PRKG1: variants seen among roughly 807,000 people sequenced by gnomAD.
PRKG1 encodes the protein protein kinase cGMP-dependent 1.
PRKG1 carries 35 observed loss-of-function variants against 88.1 expected under a neutral mutation model. That is an observed-to-expected ratio of 0.40 (90% confidence interval 0.30 to 0.53). The LOEUF is 0.53. PRKG1 is among the 20% of genes least tolerant of loss of function. The pLI is 0.59. For synonymous variants in PRKG1, 303 were observed against 292.5 expected (o/e 1.04, Z -0.37); for missense variants, 540 against 839.8 (o/e 0.64, Z 4.41).
At chr10:51,099,032 T>G (rs898829916) in intron 1 of PRKG1, among the ~76,000 whole-genome samples, 7 of 152,222 alleles carry the variant, frequency 4.6e-5, no homozygotes, top group African/African-American at 1.7e-4. Context: ...TGCTGCACTC[T>G]GTGAAACACA....
chr10:51,658,490 C>G (rs994948153), intron 3 of PRKG1, among the ~76,000 whole-genome samples: 2 of 151,922 alleles, frequency 1.3e-5, no homozygotes, highest in Non-Finnish European at 2.9e-5. Flanking sequence ...GCCCAACAAA[C>G]ATGTCATGAA....
rs181539460 is a variant in PRKG1, at chr10:51,767,509, G to A, written c.593-37076G>A. 7.8e-4 allele frequency among the ~76,000 whole-genome samples: 119 copies of A among 152,300 alleles called. 1 individual carries two copies. The highest frequency in any genetic ancestry group is 2.8e-3 in the African/African-American group (115 of 41,564). ...CTAATGATTGCTTTCTCTACCTTAT[G>A]TACATATGCTGGGGGAAAAGGTTTC... On this transcript the variant is annotated intron_variant, in intron 3 of 17. Coordinates refer to ENST00000373980, the MANE Select transcript of PRKG1 (RefSeq NM_006258.4).
At chr10:52,069,347 A>G (rs940004602) in intron 7 of PRKG1, among the ~76,000 whole-genome samples, 1 of 152,166 alleles carries the variant, frequency 6.6e-6, no homozygotes, top group African/African-American at 2.4e-5. Flanking sequence ...CCTGGCCAAC[A>G]TGATGAAACA....
At chr10:51,227,631 C>T (rs1838727955) in intron 2 of PRKG1, among the ~76,000 whole-genome samples, 1 of 152,134 alleles carries the variant, frequency 6.6e-6, no homozygotes, top group Admixed American at 6.5e-5. Context: ...AGCTGGTTCT[C>T]ATAAAATGTT....
chr10:52,166,914 C>T lies in PRKG1; in HGVS notation c.1076+4951C>T, dbSNP rs200897163. Among the ~76,000 whole-genome samples, 4,281 of 134,466 alleles carry T rather than the reference C, an allele frequency of 0.032. 279 individuals carry two copies. In the East Asian group the frequency reaches 0.34, roughly 11 times the overall value. The allele number at this position is 134,466 out of a possible 152,430, so 88.2% of individuals were successfully genotyped here. On this transcript the variant is annotated intron_variant, in intron 9 of 17. Coordinates refer to ENST00000373980, the MANE Select transcript of PRKG1 (RefSeq NM_006258.4). Reference sequence around the variant, plus strand: ...ACACACACACACACACACACACACACACATATATATAAGCCAAGATAGAGA... The same window carrying T: ...ACACACACACACACACACACACACATACATATATATAAGCCAAGATAGAGA...
chr10:52,138,315 A>G (rs1837483299), intron 8 of PRKG1, among the ~76,000 whole-genome samples: 1 of 152,166 alleles, frequency 6.6e-6, no homozygotes, highest in South Asian at 2.1e-4. Flanking sequence ...CCTACTGGCC[A>G]TTAATTATCT....
chr10:51,615,173 A>G (rs574144052), intron 3 of PRKG1, among the ~76,000 whole-genome samples: 13 of 152,078 alleles, frequency 8.5e-5, no homozygotes, highest in African/African-American at 3.1e-4. Context: ...CTCCTGGCCT[A>G]TAAGGTTTCT....
chr10:51,213,055 G>A (rs1226231576), intron 2 of PRKG1, among the ~76,000 whole-genome samples: 1 of 152,084 alleles, frequency 6.6e-6, no homozygotes, highest in Non-Finnish European at 1.5e-5. Flanking sequence ...GCAAAGACTT[G>A]GAACCAAGCC....
intron 3 of PRKG1, among the ~76,000 whole-genome samples, chr10:51,598,533 T>C (rs373798999): frequency 1.6e-4 from 25 of 152,334 alleles, no homozygotes; most frequent in East Asian, 5.8e-4. Context: ...GCTGGAATTA[T>C]AGGCGTCAGC....
intron 3 of PRKG1, among the ~76,000 whole-genome samples, chr10:51,774,898 G>A (rs979879119): frequency 6.6e-6 from 1 of 152,066 alleles, no homozygotes; most frequent in African/African-American, 2.4e-5. Context: ...AACCTTTTAA[G>A]ACATTTGTGT....
At chr10:51,456,571 C>G (rs1408991040) in intron 2 of PRKG1, among the ~76,000 whole-genome samples, 1 of 151,930 alleles carries the variant, frequency 6.6e-6, no homozygotes, top group Non-Finnish European at 1.5e-5. Context: ...AAAGCAAATG[C>G]AACAAAACCA....
intron 8 of PRKG1, among the ~76,000 whole-genome samples, chr10:52,159,498 G>T (rs987654732): frequency 2.6e-5 from 4 of 151,528 alleles, no homozygotes; most frequent in Non-Finnish European, 4.4e-5. Flanking sequence ...TCATTGGGAT[G>T]ATTAGATGGT....
At chr10:51,806,365 T>C (rs1474367689) in intron 4 of PRKG1, among the ~76,000 whole-genome samples, 3 of 152,210 alleles carry the variant, frequency 2.0e-5, no homozygotes, top group Non-Finnish European at 4.4e-5. Flanking sequence ...TTTCAGGAGA[T>C]GAAGATGTCT....
At position 52,054,486 on chromosome 10, in the gene PRKG1, C is replaced by G. The variant is rs753566939; in HGVS notation, c.765C>G (p.Thr255=). 12 of 1,611,418 alleles carry G rather than the reference C, an allele frequency of 7.4e-6. No individual in the cohort carries two copies. The highest frequency in any genetic ancestry group is 1.3e-5 in the African/African-American group (1 of 74,726). The change falls in exon 6 of 18, where the codon ACC becomes ACG. Residue 255 remains threonine, a splice_region_variant and synonymous_variant. Coordinates refer to ENST00000373980, the MANE Select transcript of PRKG1 (RefSeq NM_006258.4). Reference sequence around the variant, plus strand: ...TTCTTATTGTTTCTACTTTTCAGACCCACTATGAAAATGGAGAATATATTA... The same window carrying G: ...TTCTTATTGTTTCTACTTTTCAGACGCACTATGAAAATGGAGAATATATTA... The part of the protein sequence containing the change: ...LSKLADVLEE[T]HYENGEYIIR...
chr10:51,548,113 A>C (rs1183257481), intron 3 of PRKG1, among the ~76,000 whole-genome samples: 1 of 152,110 alleles, frequency 6.6e-6, no homozygotes, highest in Non-Finnish European at 1.5e-5. Flanking sequence ...CTGGAAGAAC[A>C]GTGGCTGGAA....
intron 2 of PRKG1, among the ~76,000 whole-genome samples, chr10:51,382,839 T>C (rs1397842728): frequency 6.6e-5 from 10 of 152,294 alleles, no homozygotes; most frequent in Non-Finnish European, 1.3e-4. Context: ...AAAAGTTAGC[T>C]GCCAGTGGGT....
intron 1 of PRKG1, among the ~76,000 whole-genome samples, chr10:51,121,677 C>A (rs969853782): frequency 6.6e-6 from 1 of 151,980 alleles, no homozygotes; most frequent in Non-Finnish European, 1.5e-5. Context: ...AAGTGACAAC[C>A]GTAAGAACAC....
At chr10:52,293,524 C>G in intron 17 of PRKG1, among the ~76,000 whole-genome samples, 1 of 152,102 alleles carries the variant, frequency 6.6e-6, no homozygotes, top group East Asian at 1.9e-4. Context: ...TTCATGGCAT[C>G]TTTGTTTCCA....
intron 9 of PRKG1, among the ~76,000 whole-genome samples, chr10:52,198,873 CATACTTGAG>C (rs1475171237): frequency 1.3e-5 from 2 of 151,810 alleles, no homozygotes; most frequent in East Asian, 3.9e-4. Flanking sequence ...TTTTCTTAAG[CATACTTGAG>C]ATAGTATTTA....
Sources: allele counts gnomAD v4.1 joint callset (sites outside exome capture counted in the v4.1 genomes callset), GRCh38; gene constraint gnomAD v4.1.1; transcripts MANE v1.5; gene names NCBI Gene and HGNC (gene_info 2026-07-23, HGNC 2026-07-21).